SNX10: variants seen among roughly 807,000 people sequenced by gnomAD.
SNX10 encodes sorting nexin 10.
In SNX10, 25 loss-of-function variants were observed where a neutral mutation model predicts 28.5. That is an observed-to-expected ratio of 0.88 (90% CI 0.64 to 1.22). The LOEUF (loss-of-function observed/expected upper bound fraction) is 1.22, where lower values mean the gene tolerates loss of function less well. SNX10 is among the 50% of genes most tolerant of loss of function. The pLI is 0.00. For synonymous variants in SNX10, 62 were observed against 81.4 expected, an observed-to-expected ratio of 0.76 and a Z score of 1.28; for missense variants, 223 against 242.6, an observed-to-expected ratio of 0.92 and a Z score of 0.54.
At chr7:26,297,725 T>C (rs1366554550) in intron 1 of SNX10, among the ~76,000 whole-genome samples, 17 of 152,290 alleles carry the variant, frequency 1.1e-4, no homozygotes. Context: ...TAGTTATAAG[T>C]AATATTTTTA....
At chr7:26,300,710 G>A (rs1022129552) in intron 1 of SNX10, among the ~76,000 whole-genome samples, 5 of 152,024 alleles carry the variant, frequency 3.3e-5, no homozygotes, top group South Asian at 4.1e-4. Flanking sequence ...CCTGGATTTC[G>A]TGGTCTTTAA....
chr7:26,343,843 G>A lies in SNX10; in HGVS notation c.-23-2577G>A, dbSNP rs1271608641. ...ATGACCCAGGCCTTCTGTGTAGAGG[G>A]CCTTTTTCCTTTTGCTTTCCTGGCT... On this transcript the variant is annotated intron_variant, in intron 1 of 6. Coordinates refer to ENST00000338523, the MANE Select transcript of SNX10 (RefSeq NM_013322.3). Among the ~76,000 whole-genome samples the A allele has an allele frequency of 2.6e-5, 4 of 152,214 alleles. 1 individual carries two copies. The highest frequency in any genetic ancestry group is 6.8e-3 in the Middle Eastern group (2 of 294).
intron 2 of SNX10, among the ~76,000 whole-genome samples, chr7:26,350,365 C>T (rs192321750): frequency 1.8e-4 from 27 of 152,114 alleles, no homozygotes; most frequent in African/African-American, 5.5e-4. Context: ...TGGGGAGAGC[C>T]GGCAGGGAGG....
chr7:26,372,233 T>G, intron 6 of SNX10, 200 bp downstream of exon 6: 1 of 591,544 alleles, frequency 1.7e-6, no homozygotes, highest in East Asian at 2.8e-5. Context: ...CACACTGAAT[T>G]AATGAATGCA....
At chr7:26,308,058 A>G (rs1354091163) in intron 1 of SNX10, among the ~76,000 whole-genome samples, 4 of 152,174 alleles carry the variant, frequency 2.6e-5, no homozygotes, top group Non-Finnish European at 5.9e-5. Context: ...CAATCCTAAA[A>G]TGCTTACCAC....
chr7:26,337,314 T>C (rs1292084451), intron 1 of SNX10, among the ~76,000 whole-genome samples: 1 of 152,244 alleles, frequency 6.6e-6, no homozygotes, highest in African/African-American at 2.4e-5. Context: ...ACCATACTAG[T>C]GTATAGACCT....
intron 1 of SNX10, among the ~76,000 whole-genome samples, chr7:26,312,508 G>A (rs557770305): frequency 1.1e-4 from 17 of 152,112 alleles, no homozygotes; most frequent in African/African-American, 3.1e-4. Flanking sequence ...TAGTGGTGCC[G>A]GGCATGGTGG....
intron 2 of SNX10, among the ~76,000 whole-genome samples, chr7:26,349,447 G>A (rs1341307444): frequency 6.6e-6 from 1 of 151,932 alleles, no homozygotes; most frequent in Non-Finnish European, 1.5e-5. Context: ...AGAAAAGGGA[G>A]TGAGAATCTC....
At chr7:26,352,203 T>C (rs531174752) in intron 2 of SNX10, among the ~76,000 whole-genome samples, 1 of 152,318 alleles carries the variant, frequency 6.6e-6, no homozygotes, top group African/African-American at 2.4e-5. Context: ...TGAAAGATTG[T>C]ATAGTGAATA....
At chr7:26,347,990 G>A (rs1481652758) in intron 2 of SNX10, among the ~76,000 whole-genome samples, 2 of 152,114 alleles carry the variant, frequency 1.3e-5, no homozygotes. Context: ...TTGTTGCCTA[G>A]ATTGGTCTCG....
intron 2 of SNX10, among the ~76,000 whole-genome samples, chr7:26,347,884 A>G (rs1788450470): frequency 1.3e-5 from 2 of 152,172 alleles, no homozygotes; most frequent in African/African-American, 4.8e-5. Context: ...AAATTGGGCT[A>G]TAATATGTAT....
At chr7:26,330,104 A>G (rs570250820) in intron 1 of SNX10, among the ~76,000 whole-genome samples, 1 of 152,242 alleles carries the variant, frequency 6.6e-6, no homozygotes, top group South Asian at 2.1e-4. Flanking sequence ...CTGTGGCCAC[A>G]TGGGGGTTGG....
At chr7:26,302,375 T>C (rs1786404167) in intron 1 of SNX10, among the ~76,000 whole-genome samples, 1 of 152,120 alleles carries the variant, frequency 6.6e-6, no homozygotes, top group South Asian at 2.1e-4. Flanking sequence ...AGGCAGGAGA[T>C]GGACTCTACG....
At chr7:26,316,108 C>T (rs559471549) in intron 1 of SNX10, among the ~76,000 whole-genome samples, 4 of 151,406 alleles carry the variant, frequency 2.6e-5, no homozygotes, top group Non-Finnish European at 5.9e-5. Context: ...GGCGTGAACC[C>T]CAGAGGCAGA....
rs76659010 is a variant in SNX10 at position 26,348,211 on chromosome 7, C to T, written c.24+1745C>T. Among the ~76,000 whole-genome samples the T allele has an allele frequency of 4.1e-3, 618 of 152,316 alleles. 3 individuals carry two copies. Among genetic ancestry groups the T allele is most frequent in the Non-Finnish European group, 6.0e-3 (409 of 68,022 alleles). On this transcript the variant is annotated intron_variant, in intron 2 of 6. Coordinates refer to ENST00000338523, the MANE Select transcript of SNX10 (RefSeq NM_013322.3). ...TTCCACCCCTAGAGGTGACCTTCCA[C>T]AATACCTATACCAGGCATGCTTTTT... is the stretch of plus-strand genomic sequence containing the variant.
chr7:26,342,028 C>CTTTTTT, intron 1 of SNX10, among the ~76,000 whole-genome samples: 1 of 111,646 alleles, frequency 9.0e-6, no homozygotes, highest in Admixed American at 1.0e-4. Flanking sequence ...TTTCTTCTTT[C>CTTTTTT]TTTTTTTTTT....
intron 1 of SNX10, among the ~76,000 whole-genome samples, chr7:26,292,418 C>A (rs1294642100): frequency 2.0e-5 from 3 of 152,134 alleles, no homozygotes; most frequent in Non-Finnish European, 4.4e-5. Flanking sequence ...CACCTTACAC[C>A]AGGCCGGGTA....
At chr7:26,338,928 G>A (rs1788061793) in intron 1 of SNX10, among the ~76,000 whole-genome samples, 1 of 152,160 alleles carries the variant, frequency 6.6e-6, no homozygotes, top group African/African-American at 2.4e-5. Context: ...TCTAAAGCAT[G>A]GATCTTAGGT....
In SNX10 at chr7:26,346,464, G is replaced by T; in HGVS notation, c.22G>T (p.Glu8Ter). The change falls in exon 2 of 7, where the codon GAG becomes TAG. Residue 8 changes from glutamate (E) to a stop codon, truncating the protein, a stop_gained and splice_region_variant. Transcript: ENST00000338523. LOFTEE classifies it high-confidence loss of function. MFPEQQK[E>*]EFVSVWVRDP... The stretch of plus-strand genomic sequence containing the variant: ...GAAGATGTTTCCGGAACAACAGAAA[G>T]AGGTATGTCATCACAAATCCAAAAA... The T allele has an allele frequency of 6.2e-7, 1 of 1,605,862 alleles. No homozygotes were observed. The highest frequency in any genetic ancestry group is 8.5e-7 in the Non-Finnish European group (1 of 1,172,494).
Sources: allele counts gnomAD v4.1 joint callset (sites outside exome capture counted in the v4.1 genomes callset), GRCh38; gene constraint gnomAD v4.1.1; transcripts MANE v1.5; gene names NCBI Gene and HGNC (gene_info 2026-07-23, HGNC 2026-07-21).